HMGB1: variants seen among roughly 807,000 people sequenced by gnomAD.
The protein encoded by HMGB1 is high mobility group protein B1.
For missense variants in HMGB1, 79 were observed against 253.5 expected (o/e 0.31, Z 4.67); for synonymous variants, 81 against 84.0 (o/e 0.96, Z 0.19).
intron 1 of HMGB1, among the ~76,000 whole-genome samples, chr13:30,577,078 C>T (rs1870688666): frequency 6.6e-6 from 1 of 152,104 alleles, no homozygotes; most frequent in African/African-American, 2.4e-5. Context: ...CACAGGGGCT[C>T]ACACCTGTAA....
chr13:30,493,265 A>G (rs1887539783), intron 1 of HMGB1, among the ~76,000 whole-genome samples: 1 of 152,218 alleles, frequency 6.6e-6, no homozygotes, highest in Non-Finnish European at 1.5e-5. Flanking sequence ...GGAATGAACT[A>G]CTAATGCTCA....
chr13:30,543,309 T>G (rs2137504480), intron 1 of HMGB1: 1 of 152,250 alleles, frequency 6.6e-6, no homozygotes, highest in East Asian at 1.9e-4. Context: ...GTATTTTTAG[T>G]AGAGATAGGG....
chr13:30,490,774 C>A (rs1038802906), intron 1 of HMGB1, among the ~76,000 whole-genome samples: 12 of 151,926 alleles, frequency 7.9e-5, no homozygotes, highest in African/African-American at 2.7e-4. Context: ...CAGAATAAGA[C>A]CCTGTCTCTT....
intron 1 of HMGB1, among the ~76,000 whole-genome samples, chr13:30,595,432 C>T (rs1010112413): frequency 6.6e-6 from 1 of 152,172 alleles, no homozygotes; most frequent in South Asian, 2.1e-4. Flanking sequence ...AGTTCAGACA[C>T]AAGCTCTGCT....
chr13:30,484,557 T>C (rs180996328), intron 1 of HMGB1, among the ~76,000 whole-genome samples: 122 of 152,330 alleles, frequency 8.0e-4, no homozygotes, highest in African/African-American at 2.8e-3. Flanking sequence ...TACATTGTTT[T>C]GTTTTTTGTT....
intron 1 of HMGB1, among the ~76,000 whole-genome samples, chr13:30,614,873 ATTTTTT>A (rs34422229): frequency 8.6e-6 from 1 of 116,158 alleles, no homozygotes; most frequent in African/African-American, 3.1e-5. Context: ...TAATTTTTGT[ATTTTTT>A]TTTTTTTTTT....
chr13:30,466,632 G>T (rs1886796603), upstream of HMGB1, among the ~76,000 whole-genome samples: 1 of 152,164 alleles, frequency 6.6e-6, no homozygotes, highest in Non-Finnish European at 1.5e-5. Context: ...CAGGCATTCA[G>T]TTTCACCCTT....
intron 1 of HMGB1, among the ~76,000 whole-genome samples, chr13:30,589,275 G>A (rs1033460188): frequency 2.0e-5 from 3 of 152,076 alleles, no homozygotes; most frequent in African/African-American, 7.2e-5. Flanking sequence ...AAAGGGCTGG[G>A]ATTACAGGCG....
At chr13:30,505,368 C>A (rs949173984) in intron 1 of HMGB1, among the ~76,000 whole-genome samples, 2 of 151,970 alleles carry the variant, frequency 1.3e-5, no homozygotes, top group African/African-American at 4.8e-5. Flanking sequence ...TTAGTAGAGA[C>A]AGGGTTTCAC....
At chr13:30,589,738 T>C (rs1274679201) in intron 1 of HMGB1, among the ~76,000 whole-genome samples, 1 of 151,790 alleles carries the variant, frequency 6.6e-6, no homozygotes, top group Non-Finnish European at 1.5e-5. Flanking sequence ...GTAATGGTGG[T>C]ACACACCTGT....
intron 1 of HMGB1, 130 bp from the exon 2 acceptor site, chr13:30,463,824 A>G (rs963966207): frequency 1.6e-6 from 1 of 625,310 alleles, no homozygotes; most frequent in Admixed American, 3.2e-5. Context: ...CCTCCGTAAA[A>G]TCAGACAAGA....
At chr13:30,462,471 A>T in intron 4 of HMGB1, 67 bp downstream of exon 4, 1 of 1,311,950 alleles carries the variant, frequency 7.6e-7, no homozygotes, top group Non-Finnish European at 1.1e-6. Context: ...ATTACACCTC[A>T]AACTAAGTAC....
At chr13:30,583,646 C>G (rs971902671) in intron 1 of HMGB1, among the ~76,000 whole-genome samples, 4 of 150,232 alleles carry the variant, frequency 2.7e-5, no homozygotes, top group African/African-American at 9.8e-5. Context: ...CGAGACCATC[C>G]TGGCCAACAT....
Position 30,581,652 on chromosome 13 carries a change from A to C in HMGB1, c.-15+35019T>G, listed in dbSNP as rs1184494182. On this transcript the variant is annotated intron_variant, in intron 1 of 4. Coordinates refer to the HMGB1 transcript ENST00000405805. Reference sequence around the variant, plus strand: ...TTAGAAGTTAGACCAGCAGGTGGTAAAGCTGATCATCTACTAATATAATGG... The same window carrying C: ...TTAGAAGTTAGACCAGCAGGTGGTACAGCTGATCATCTACTAATATAATGG... 3.9e-5 allele frequency among the ~76,000 whole-genome samples: 6 copies of C among 152,328 alleles called. No individual in the cohort carries two copies. The East Asian group carries it at 9.6e-4, about 24-fold the overall frequency.
chr13:30,610,857 T>C (rs182889690), intron 1 of HMGB1, among the ~76,000 whole-genome samples: 126 of 152,308 alleles, frequency 8.3e-4, no homozygotes, highest in East Asian at 5.4e-3. Context: ...TTTTAACTTA[T>C]GTGGTGAGAA....
At chr13:30,510,127 G>A (rs779757093) in intron 1 of HMGB1, among the ~76,000 whole-genome samples, 3 of 152,134 alleles carry the variant, frequency 2.0e-5, no homozygotes, top group Non-Finnish European at 2.9e-5. Flanking sequence ...TGCTCAGGCC[G>A]GGCACCGTAA....
intron 1 of HMGB1, among the ~76,000 whole-genome samples, chr13:30,490,468 AAGTT>A: frequency 6.6e-6 from 1 of 152,148 alleles, no homozygotes; most frequent in East Asian, 1.9e-4. Flanking sequence ...AGAAATGCAA[AAGTT>A]AGTTGGCGTG....
chr13:30,585,983 C>T (rs1005553465), intron 1 of HMGB1, among the ~76,000 whole-genome samples: 19 of 152,198 alleles, frequency 1.2e-4, no homozygotes, highest in African/African-American at 3.9e-4. Flanking sequence ...TCTCAGTACT[C>T]TCCACTAAAA....
chr13:30,578,529 C>T (rs1870761863), intron 1 of HMGB1, among the ~76,000 whole-genome samples: 1 of 151,948 alleles, frequency 6.6e-6, no homozygotes, highest in African/African-American at 2.4e-5. Context: ...GTCCTTATTT[C>T]CCATTTGAAG....
Sources: allele counts gnomAD v4.1 joint callset (sites outside exome capture counted in the v4.1 genomes callset), GRCh38; gene constraint gnomAD v4.1.1; transcripts MANE v1.5; gene names NCBI Gene and HGNC (gene_info 2026-07-23, HGNC 2026-07-21).